CHAT: variants seen among roughly 807,000 people sequenced by gnomAD.
CHAT encodes the protein acetyl CoA:choline O-acetyltransferase.
A neutral mutation model predicts 76.9 loss-of-function variants in CHAT; 61 were observed. The observed-to-expected ratio is 0.79, with a 90% CI of 0.65 to 0.98. CHAT has a LOEUF of 0.98. Among genes scored for constraint, CHAT ranks in the 50% least tolerant of loss-of-function variants. CHAT has a pLI of 0.00. For missense variants in CHAT, 946 were observed against 986.9 expected (o/e 0.96, Z 0.56); for synonymous variants, 407 against 397.4 (o/e 1.02, Z -0.29).
intron 7 of CHAT, among the ~76,000 whole-genome samples, chr10:49,641,612 C>T (rs910686267): frequency 6.6e-6 from 1 of 151,970 alleles, no homozygotes; most frequent in Non-Finnish European, 1.5e-5. Flanking sequence ...ATGAGATGTG[C>T]GATGGCAGAT....
chr10:49,614,050 G>A lies in CHAT; in HGVS notation c.-140G>A, dbSNP rs971820798. 97 of 1,441,990 alleles carry A rather than the reference G, an allele frequency of 6.7e-5. No homozygotes were observed. In the African/African-American group the frequency reaches 1.3e-3, roughly 19 times the overall value. The allele number at this position is 1,441,990 out of a possible 1,614,324, so 89.3% of individuals were successfully genotyped here. Reference sequence around the variant, plus strand: ...GCGGTGACTGGGAAATGCTGAGCTAGGGGCAGGAGGCATGGGCGGGACAGT... The same window carrying A: ...GCGGTGACTGGGAAATGCTGAGCTAAGGGCAGGAGGCATGGGCGGGACAGT... On this transcript the variant is annotated 5_prime_UTR_variant, in exon 1 of 15. An upstream open reading frame in the 5' UTR loses its in-frame stop. Coordinates refer to ENST00000337653, the MANE Select transcript of CHAT (RefSeq NM_020549.5).
intron 13 of CHAT, among the ~76,000 whole-genome samples, chr10:49,662,133 T>C (rs951024202): frequency 6.6e-6 from 1 of 152,180 alleles, no homozygotes; most frequent in Non-Finnish European, 1.5e-5. Flanking sequence ...CTATCTCTTG[T>C]TCCCTGGGCT....
At chr10:49,634,247 C>T (rs966035276) in intron 7 of CHAT, among the ~76,000 whole-genome samples, 3 of 152,200 alleles carry the variant, frequency 2.0e-5, no homozygotes, top group African/African-American at 4.8e-5. Context: ...CTCCTGGGGC[C>T]TGGGCTTCCT....
At chr10:49,634,241 T>C (rs1839221596) in intron 7 of CHAT, among the ~76,000 whole-genome samples, 1 of 152,192 alleles carries the variant, frequency 6.6e-6, no homozygotes, top group South Asian at 2.1e-4. Flanking sequence ...TGCTGTCTCC[T>C]GGGGCCTGGG....
chr10:49,649,389 C>A, intron 9 of CHAT, 119 bp from the exon 10 acceptor site: 3 of 1,444,782 alleles, frequency 2.1e-6, no homozygotes, highest in Non-Finnish European at 2.9e-6. Context: ...CAGCTCGTAC[C>A]CCCTGAAACT....
At chr10:49,615,962 C>A in intron 1 of CHAT, 1 of 1,417,984 alleles carries the variant, frequency 7.1e-7, no homozygotes, top group Non-Finnish European at 1.0e-6. Flanking sequence ...CATCCTGGAG[C>A]ACAGGGCCTT....
intron 12 of CHAT, 26 bp from the exon 13 acceptor site, chr10:49,655,360 G>C (rs756581157): frequency 6.2e-7 from 1 of 1,613,880 alleles, no homozygotes; most frequent in South Asian, 1.1e-5. Flanking sequence ...TTTAAACCCC[G>C]CGCTGCCTCT....
rs567486671 is a variant in CHAT at position 49,663,975 on chromosome 10, A to G, written c.1978-802A>G. ...CTGCCCCATTAAAACAGCCAGTGTC[A>G]CTTCCAAAGGCCTCAGCACACAGCA... is the stretch of plus-strand genomic sequence containing the variant. On this transcript the variant is annotated intron_variant, in intron 14 of 14. Transcript: ENST00000337653. Among the ~76,000 whole-genome samples the G allele has an allele frequency of 3.9e-5, 6 of 152,374 alleles. No homozygotes were observed. The South Asian group carries it at 1.2e-3, about 32-fold the overall frequency.
intron 3 of CHAT, among the ~76,000 whole-genome samples, chr10:49,620,157 C>T (rs1466919597): frequency 1.3e-5 from 2 of 151,634 alleles, no homozygotes; most frequent in Non-Finnish European, 2.9e-5. Context: ...GCGGACAAAT[C>T]GGGGACAGGA....
In CHAT at chr10:49,665,166, C is replaced by CA; in HGVS notation, c.*121dup. 1 of 1,044,284 alleles carries CA rather than the reference C, an allele frequency of 9.6e-7. No individual in the cohort carries two copies. The highest frequency in any genetic ancestry group is 1.5e-6 in the Non-Finnish European group (1 of 676,816). 64.7% of individuals were successfully genotyped at this position (1,044,284 alleles called of 1,614,324 possible). A position where few individuals can be genotyped will look rare whatever the true frequency, so the allele number is the denominator to read the frequency against. On this transcript the variant is annotated 3_prime_UTR_variant, in exon 15 of 15. Transcript: ENST00000337653. ...CTCCCTGTCCTCAGGGTCCAACTCACAGACCATACAGAGACATCACACAGA... is the reference window on the plus strand; with the variant it reads ...CTCCCTGTCCTCAGGGTCCAACTCACAAGACCATACAGAGACATCACACAGA...
At chr10:49,631,298 C>G (rs1564479181) in intron 7 of CHAT, among the ~76,000 whole-genome samples, 1 of 152,212 alleles carries the variant, frequency 6.6e-6, no homozygotes, top group Non-Finnish European at 1.5e-5. Context: ...TGACACCTCT[C>G]TCCTTGGCTT....
intron 7 of CHAT, among the ~76,000 whole-genome samples, chr10:49,635,388 C>T (rs1839262241): frequency 6.6e-6 from 1 of 152,150 alleles, no homozygotes; most frequent in South Asian, 2.1e-4. Context: ...CTACTGTGAA[C>T]ATTTGTGTAC....
At chr10:49,615,261 C>A (rs972876756) in intron 1 of CHAT, among the ~76,000 whole-genome samples, 1 of 152,346 alleles carries the variant, frequency 6.6e-6, no homozygotes, top group South Asian at 2.1e-4. Context: ...TCTCAAAAGA[C>A]TGCCATGCTC....
intron 7 of CHAT, among the ~76,000 whole-genome samples, chr10:49,632,020 G>A (rs572519726): frequency 2.0e-4 from 31 of 152,090 alleles, no homozygotes; most frequent in African/African-American, 7.5e-4. Context: ...TGAGGGAGGG[G>A]GAGTTGTTTA....
chr10:49,636,551 T>C (rs970166835), intron 7 of CHAT, among the ~76,000 whole-genome samples: 1 of 152,198 alleles, frequency 6.6e-6, no homozygotes, highest in African/African-American at 2.4e-5. Context: ...TTGGGAAATG[T>C]TCCCTCCTCT....
chr10:49,612,036 C>T (rs747360682), upstream of CHAT: 9 of 1,613,772 alleles, frequency 5.6e-6, no homozygotes, highest in South Asian at 1.1e-5. Context: ...CGGTGGCCTA[C>T]GCGCTCGGGC....
chr10:49,649,248 T>C (rs531567813), intron 9 of CHAT, among the ~76,000 whole-genome samples: 24 of 152,298 alleles, frequency 1.6e-4, no homozygotes, highest in Admixed American at 1.3e-3. Flanking sequence ...CATGGTCTAA[T>C]AGGAAAACAA....
intron 13 of CHAT, among the ~76,000 whole-genome samples, chr10:49,660,407 A>C (rs886838481): frequency 9.3e-5 from 14 of 151,252 alleles, no homozygotes; most frequent in African/African-American, 3.4e-4. Flanking sequence ...GCGCCACTGC[A>C]CTCCAGCCTA....
chr10:49,653,764 G>A (rs1226366561), intron 11 of CHAT, among the ~76,000 whole-genome samples: 3 of 152,234 alleles, frequency 2.0e-5, no homozygotes, highest in East Asian at 3.8e-4. Context: ...GCATGGGGCC[G>A]AGATAGGCCG....
Sources: allele counts gnomAD v4.1 joint callset (sites outside exome capture counted in the v4.1 genomes callset), GRCh38; gene constraint gnomAD v4.1.1; transcripts MANE v1.5; gene names NCBI Gene and HGNC (gene_info 2026-07-23, HGNC 2026-07-21).